Variants in ASTN2 observed in about 807,000 individuals in gnomAD.
The protein encoded by ASTN2 is astrotactin-2.
In ASTN2, 54 loss-of-function variants were observed where a neutral mutation model predicts 139.8. The ratio of observed to expected loss-of-function variants is 0.39; its 90% CI spans 0.31 to 0.48. The LOEUF is 0.48. Ranked by LOEUF, ASTN2 falls within the 20% of genes least tolerant of loss-of-function variation. The pLI is 0.95. For synonymous variants in ASTN2, 756 were observed against 719.5 expected (o/e 1.05, Z -0.81); for missense variants, 1,565 against 1,725.1 (o/e 0.91, Z 1.64).
At chr9:117,039,392 A>G (rs746617757) in intron 6 of ASTN2, among the ~76,000 whole-genome samples, 27 of 152,098 alleles carry the variant, frequency 1.8e-4, no homozygotes, top group Non-Finnish European at 3.7e-4. Flanking sequence ...GAACACATGG[A>G]CACAGGGAGG....
At chr9:116,533,810 G>C (rs1851479788) in intron 19 of ASTN2, among the ~76,000 whole-genome samples, 1 of 152,262 alleles carries the variant, frequency 6.6e-6, no homozygotes, top group South Asian at 2.1e-4. Flanking sequence ...AGGGATATTG[G>C]TCTAAAATTC....
chr9:116,799,714 G>GGC (rs1235229136), intron 13 of ASTN2, among the ~76,000 whole-genome samples: 1 of 143,650 alleles, frequency 7.0e-6, no homozygotes, highest in East Asian at 2.3e-4. Context: ...AGTGGGGGGG[G>GGC]GGAGAATAAA....
intron 19 of ASTN2, among the ~76,000 whole-genome samples, chr9:116,552,822 G>A (rs763319129): frequency 6.6e-6 from 1 of 152,230 alleles, no homozygotes; most frequent in African/African-American, 2.4e-5. Flanking sequence ...GATCTAAGCT[G>A]CATGGGCACA....
chr9:116,790,530 GCTAA>G (rs1354914920), intron 13 of ASTN2, among the ~76,000 whole-genome samples: 2 of 152,140 alleles, frequency 1.3e-5, no homozygotes, highest in South Asian at 4.2e-4. Flanking sequence ...TCCCTCACAT[GCTAA>G]CTGTTACTCT....
At chr9:116,760,929 G>C (rs950289968) in intron 13 of ASTN2, among the ~76,000 whole-genome samples, 2 of 152,224 alleles carry the variant, frequency 1.3e-5, no homozygotes, top group Non-Finnish European at 2.9e-5. Flanking sequence ...GAGGAGGGGA[G>C]GACGCGGAGG....
chr9:116,979,468 G>T (rs2132532169), intron 7 of ASTN2, among the ~76,000 whole-genome samples: 1 of 152,220 alleles, frequency 6.6e-6, no homozygotes, highest in South Asian at 2.1e-4. Flanking sequence ...AGGAATGGAA[G>T]GAAAAGGCTA....
At chr9:117,038,787 T>C (rs1398589962) in intron 6 of ASTN2, among the ~76,000 whole-genome samples, 2 of 152,154 alleles carry the variant, frequency 1.3e-5, no homozygotes, top group Non-Finnish European at 2.9e-5. Context: ...CTGGAATGTG[T>C]AAACTGGGAC....
intron 19 of ASTN2, among the ~76,000 whole-genome samples, chr9:116,590,208 G>C (rs1854323797): frequency 6.6e-6 from 1 of 152,218 alleles, no homozygotes; most frequent in Non-Finnish European, 1.5e-5. Flanking sequence ...CACAGTTGCA[G>C]CTGTGGATCC....
rs760363497 is a variant in ASTN2, at chr9:117,141,492, A to C, written c.1016-14T>G. On this transcript the variant is annotated splice_polypyrimidine_tract_variant and intron_variant, in intron 3 of 22. Transcript: ENST00000313400. ...CCTCAGCTGCTGCTATAAGGTAGCA[A>C]TGGGGCTGAGGTTAGGGCTTGAGCC... 3.7e-6 allele frequency: 5 copies of C among 1,365,906 alleles called. No homozygotes were observed. The highest frequency in any genetic ancestry group is 4.9e-6 in the Non-Finnish European group (5 of 1,021,668). The allele number at this position is 1,365,906 out of a possible 1,614,324, so 84.6% of individuals were successfully genotyped here.
At chr9:117,389,018 AC>A (rs1234988414) in intron 1 of ASTN2, among the ~76,000 whole-genome samples, 1 of 152,218 alleles carries the variant, frequency 6.6e-6, no homozygotes, top group East Asian at 1.9e-4. Context: ...ACTAATCCTT[AC>A]TGTGCTACTC....
chr9:117,094,959 G>A (rs1828802835), intron 5 of ASTN2, among the ~76,000 whole-genome samples: 1 of 152,294 alleles, frequency 6.6e-6, no homozygotes, highest in Middle Eastern at 3.4e-3. Context: ...GGGGATCTGT[G>A]CTTTTGCAGT....
chr9:117,271,663 T>C (rs1834068118), intron 2 of ASTN2, among the ~76,000 whole-genome samples: 2 of 152,178 alleles, frequency 1.3e-5, no homozygotes, highest in Non-Finnish European at 1.5e-5. Context: ...TAAACACGGC[T>C]GTTCCAAATG....
intron 10 of ASTN2, among the ~76,000 whole-genome samples, chr9:116,951,781 C>A (rs888480262): frequency 2.0e-5 from 3 of 152,148 alleles, no homozygotes; most frequent in Non-Finnish European, 2.9e-5. Context: ...TCCCCAAACA[C>A]AAGTGGGAGA....
At chr9:116,675,143 C>T (rs803899) in intron 16 of ASTN2, among the ~76,000 whole-genome samples, 17,123 of 152,144 alleles carry the variant, frequency 0.11, 1,027 homozygotes, top group East Asian at 0.15. Flanking sequence ...AAGTGGCTGC[C>T]TAGTTCTTTT....
At chr9:117,205,985 T>C (rs1008298383) in intron 3 of ASTN2, among the ~76,000 whole-genome samples, 1 of 152,210 alleles carries the variant, frequency 6.6e-6, no homozygotes, top group African/African-American at 2.4e-5. Flanking sequence ...AAATGGGTCT[T>C]TGCAACAACA....
intron 16 of ASTN2, among the ~76,000 whole-genome samples, chr9:116,685,688 T>C (rs1455609639): frequency 1.3e-5 from 2 of 152,194 alleles, no homozygotes; most frequent in African/African-American, 4.8e-5. Context: ...TATTCTACTC[T>C]AAGATTTTGT....
chr9:117,083,735 C>CTTAG (rs1828489189), intron 5 of ASTN2, among the ~76,000 whole-genome samples: 1 of 152,170 alleles, frequency 6.6e-6, no homozygotes, highest in Admixed American at 6.5e-5. Context: ...ATTATTCCTT[C>CTTAG]TCGCTAGTGT....
chr9:116,519,038 C>A (rs572743829), intron 19 of ASTN2, among the ~76,000 whole-genome samples: 1 of 152,080 alleles, frequency 6.6e-6, no homozygotes, highest in African/African-American at 2.4e-5. Context: ...ATGAGATAGA[C>A]AGCAACACAA....
chr9:116,618,588 C>A, intron 18 of ASTN2, 116 bp from the exon 19 acceptor site: 1 of 1,276,608 alleles, frequency 7.8e-7, no homozygotes, highest in Non-Finnish European at 1.1e-6. Flanking sequence ...AATCTTGATT[C>A]CACCCATGAT....
Sources: allele counts gnomAD v4.1 joint callset (sites outside exome capture counted in the v4.1 genomes callset), GRCh38; gene constraint gnomAD v4.1.1; transcripts MANE v1.5; gene names NCBI Gene and HGNC (gene_info 2026-07-23, HGNC 2026-07-21).